The following KCND2 variants were observed in gnomAD, a reference collection of about 807,000 sequenced individuals.
KCND2 encodes the protein potassium voltage-gated channel subfamily D member 2.
KCND2 carries 16 observed loss-of-function variants against 54.4 expected under a neutral mutation model. That is an observed-to-expected ratio of 0.29 (90% CI 0.20 to 0.45). KCND2 has a LOEUF of 0.45. KCND2 is among the 20% of genes least tolerant of loss of function. The probability of loss-of-function intolerance (pLI) is 1.00; values close to 1 mark genes in which losing one functional copy is unlikely to be tolerated. For synonymous variants in KCND2, 317 were observed against 310.7 expected (o/e 1.02, Z -0.21); for missense variants, 486 against 824.2 (o/e 0.59, Z 5.02).
chr7:120,473,898 T>C (rs748126027), intron 1 of KCND2, among the ~76,000 whole-genome samples: 7 of 152,144 alleles, frequency 4.6e-5, no homozygotes, highest in Non-Finnish European at 7.4e-5. Flanking sequence ...AGAAGGGAGA[T>C]TCAGGAGTCA....
intron 1 of KCND2, among the ~76,000 whole-genome samples, chr7:120,649,891 A>T (rs1330938875): frequency 3.3e-5 from 5 of 152,154 alleles, no homozygotes; most frequent in African/African-American, 9.7e-5. Context: ...GTTTGGCTGG[A>T]TGTGAAATTC....
chr7:120,652,896 C>A (rs1418712145), intron 1 of KCND2, among the ~76,000 whole-genome samples: 1 of 152,104 alleles, frequency 6.6e-6, no homozygotes, highest in East Asian at 1.9e-4. Context: ...TTGTAATTTC[C>A]TTATTTTTAT....
chr7:120,604,151 T>G (rs1304699789), intron 1 of KCND2, among the ~76,000 whole-genome samples: 1 of 152,174 alleles, frequency 6.6e-6, no homozygotes, highest in African/African-American at 2.4e-5. Context: ...CCATTGCTGC[T>G]ACTATGTAAG....
rs1288791306 is a variant in KCND2 at position 120,273,640 on chromosome 7, T to C, written c.-993T>C. On this transcript the variant is annotated 5_prime_UTR_variant, in exon 1 of 6. Coordinates refer to ENST00000331113, the MANE Select transcript of KCND2 (RefSeq NM_012281.3). ...GGGAAAGAAGAGCTCGCTTGAGCTT[T>C]ATTTATGCTCTCTCGGCGCATCGGA... The C allele has an allele frequency of 6.6e-6, 1 of 152,488 alleles. No homozygotes were observed. Among genetic ancestry groups the C allele is most frequent in the Non-Finnish European group, 1.5e-5 (1 of 68,092 alleles). The allele number at this position is 152,488 out of a possible 1,614,324, so 9.4% of individuals were successfully genotyped here.
chr7:120,606,523 G>A (rs888366312), intron 1 of KCND2, among the ~76,000 whole-genome samples: 10 of 151,896 alleles, frequency 6.6e-5, no homozygotes, highest in African/African-American at 2.4e-4. Flanking sequence ...TCACATTTAG[G>A]TATTTGATCT....
At chr7:120,359,660 G>C (rs1002861448) in intron 1 of KCND2, among the ~76,000 whole-genome samples, 1 of 152,114 alleles carries the variant, frequency 6.6e-6, no homozygotes, top group Non-Finnish European at 1.5e-5. Context: ...TATGGGAAAA[G>C]TTTCTGCATC....
At chr7:120,578,043 G>GAGAAGA (rs10540913) in intron 1 of KCND2, among the ~76,000 whole-genome samples, 1 of 149,788 alleles carries the variant, frequency 6.7e-6, no homozygotes, top group Non-Finnish European at 1.5e-5. Context: ...GGAGAAGAAG[G>GAGAAGA]AGAAGAAGAA....
At chr7:120,493,505 A>G (rs1354060500) in intron 1 of KCND2, among the ~76,000 whole-genome samples, 1 of 152,094 alleles carries the variant, frequency 6.6e-6, no homozygotes, top group Non-Finnish European at 1.5e-5. Flanking sequence ...AATTTCATAA[A>G]GAATTCTTGC....
At chr7:120,661,438 C>A (rs1791864429) in intron 1 of KCND2, among the ~76,000 whole-genome samples, 1 of 152,022 alleles carries the variant, frequency 6.6e-6, no homozygotes, top group African/African-American at 2.4e-5. Flanking sequence ...CACCTGAAGT[C>A]AGGAGTTCAA....
chr7:120,341,847 C>T (rs994178161), intron 1 of KCND2, among the ~76,000 whole-genome samples: 3 of 152,004 alleles, frequency 2.0e-5, no homozygotes, highest in African/African-American at 7.2e-5. Flanking sequence ...ATTGCAGTAT[C>T]ATTAAATGGT....
intron 1 of KCND2, among the ~76,000 whole-genome samples, chr7:120,384,862 G>A (rs2116036453): frequency 6.6e-6 from 1 of 152,180 alleles, no homozygotes; most frequent in East Asian, 1.9e-4. Flanking sequence ...TTGTGCCTAG[G>A]CAAAACTCTG....
chr7:120,541,482 G>A (rs543434874), intron 1 of KCND2, among the ~76,000 whole-genome samples: 3 of 152,206 alleles, frequency 2.0e-5, no homozygotes, highest in African/African-American at 7.2e-5. Flanking sequence ...CACACTAAAA[G>A]TAGCTGCAAC....
intron 1 of KCND2, among the ~76,000 whole-genome samples, chr7:120,666,547 T>C (rs1187685715): frequency 6.6e-6 from 1 of 152,036 alleles, no homozygotes; most frequent in Non-Finnish European, 1.5e-5. Context: ...TTACCCTGTA[T>C]TTACTCAGTG....
intron 1 of KCND2, among the ~76,000 whole-genome samples, chr7:120,723,447 T>C (rs1372749817): frequency 6.6e-6 from 1 of 152,200 alleles, no homozygotes. Context: ...ATTGAACAAC[T>C]CAGCTACTTC....
chr7:120,281,247 TAATG>T (rs1383972288), intron 1 of KCND2, among the ~76,000 whole-genome samples: 1 of 152,166 alleles, frequency 6.6e-6, no homozygotes, highest in African/African-American at 2.4e-5. Flanking sequence ...AAAGTTGTGA[TAATG>T]AATTCATTCC....
At chr7:120,368,405 AT>A (rs1025468038) in intron 1 of KCND2, among the ~76,000 whole-genome samples, 3 of 152,058 alleles carry the variant, frequency 2.0e-5, no homozygotes, top group African/African-American at 4.8e-5. Context: ...AATAAAAAAA[AT>A]AAAAAATAAA....
intron 1 of KCND2, among the ~76,000 whole-genome samples, chr7:120,351,244 GTA>G (rs3067025): frequency 0.046 from 6,332 of 137,316 alleles, 427 homozygotes; most frequent in African/African-American, 0.15. Context: ...TTATATGTGT[GTA>G]TATATATATA....
At chr7:120,665,859 C>T (rs995868787) in intron 1 of KCND2, among the ~76,000 whole-genome samples, 4 of 151,788 alleles carry the variant, frequency 2.6e-5, no homozygotes, top group Admixed American at 2.0e-4. Context: ...ACATGCACAC[C>T]CAATCAGGTA....
intron 1 of KCND2, among the ~76,000 whole-genome samples, chr7:120,688,957 G>T (rs1395488866): frequency 6.6e-6 from 1 of 152,114 alleles, no homozygotes; most frequent in Non-Finnish European, 1.5e-5. Flanking sequence ...TAAGATTTTT[G>T]CAGATGAGAT....
Sources: gnomAD v4.1 joint callset for allele counts (sites outside exome capture counted in the v4.1 genomes callset) on GRCh38, gnomAD v4.1.1 for gene constraint, MANE v1.5 for transcripts, NCBI Gene and HGNC (gene_info 2026-07-23, HGNC 2026-07-21) for gene names.